Variants in TMEM154 observed in about 807,000 individuals in gnomAD.
TMEM154 encodes the protein transmembrane protein 154.
TMEM154 carries 27 observed loss-of-function variants against 24.5 expected under a neutral mutation model. That is an observed-to-expected ratio of 1.10 (90% CI 0.81 to 1.52). The LOEUF (loss-of-function observed/expected upper bound fraction) is 1.52, where lower values mean the gene tolerates loss of function less well. Among genes scored for constraint, TMEM154 ranks in the 40% most tolerant of loss-of-function variants. The pLI, the probability that TMEM154 is intolerant of heterozygous loss-of-function variation, is 0.00. For missense variants in TMEM154, 228 were observed against 213.4 expected (o/e 1.07, Z -0.43); for synonymous variants, 67 against 76.8 (o/e 0.87, Z 0.67).
chr4:152,679,949 C>T lies in TMEM154; in HGVS notation c.-16G>A, dbSNP rs898064998. 9 of 1,603,094 alleles carry T rather than the reference C, an allele frequency of 5.6e-6. No homozygotes were observed. The highest frequency in any genetic ancestry group is 5.3e-5 in the African/African-American group (4 of 74,866). Reference sequence around the variant, plus strand: ...GAGCCTGCATGTCCGCTCGCCTCGGCAGAGGCGCGCTCAGGATGCTGCGCC... The same window carrying T: ...GAGCCTGCATGTCCGCTCGCCTCGGTAGAGGCGCGCTCAGGATGCTGCGCC... On this transcript the variant is annotated 5_prime_UTR_variant, in exon 1 of 7. Coordinates refer to ENST00000304385, the MANE Select transcript of TMEM154 (RefSeq NM_152680.3).
At chr4:152,650,915 G>A (rs1728365448) in intron 3 of TMEM154, among the ~76,000 whole-genome samples, 1 of 152,202 alleles carries the variant, frequency 6.6e-6, no homozygotes. Context: ...ATTTTGAGCA[G>A]TAGACCTTAA....
At chr4:152,637,067 G>A (rs142096526) in intron 6 of TMEM154, among the ~76,000 whole-genome samples, 2 of 152,116 alleles carry the variant, frequency 1.3e-5, no homozygotes, top group South Asian at 2.1e-4. Context: ...GATGGGGGAC[G>A]TTGATAATGG....
chr4:152,630,183 A>G (rs1264869484), intron 6 of TMEM154, among the ~76,000 whole-genome samples: 1 of 151,848 alleles, frequency 6.6e-6, no homozygotes, highest in African/African-American at 2.4e-5. Context: ...GTGGTGGTGC[A>G]CACTTGTAGT....
intron 1 of TMEM154, among the ~76,000 whole-genome samples, chr4:152,657,174 C>A (rs761951595): frequency 6.8e-6 from 1 of 146,430 alleles, no homozygotes; most frequent in Non-Finnish European, 1.5e-5. Flanking sequence ...ATACGAGATA[C>A]CATAAAGCAA....
At position 152,624,697 on chromosome 4, in the gene TMEM154, A is replaced by C. The variant is rs1439712051; in HGVS notation, c.*3849T>G. On this transcript the variant is annotated 3_prime_UTR_variant, in exon 7 of 7. Transcript: ENST00000304385. ...TGCCAGACAAGACAGTATCAAGATA[A>C]AGCCAAAGAGTTGCTAAAAACAAAA... The C allele has an allele frequency of 6.6e-6, 1 of 152,242 alleles. No homozygotes were observed. Among genetic ancestry groups the C allele is most frequent in the African/African-American group, 2.4e-5 (1 of 41,466 alleles). 9.4% of individuals were successfully genotyped at this position (152,242 alleles called of 1,614,324 possible).
chr4:152,632,125 T>C (rs924487818), intron 6 of TMEM154, among the ~76,000 whole-genome samples: 2 of 152,168 alleles, frequency 1.3e-5, no homozygotes, highest in Non-Finnish European at 2.9e-5. Flanking sequence ...CCTTTTCAAA[T>C]ATGATTTCTG....
At chr4:152,639,850 G>A (rs1752221191) in intron 6 of TMEM154, 1 of 152,976 alleles carries the variant, frequency 6.5e-6, no homozygotes, top group Non-Finnish European at 1.5e-5. Flanking sequence ...GCCTAGGGTG[G>A]TGATATTGAC....
intron 1 of TMEM154, among the ~76,000 whole-genome samples, chr4:152,663,750 T>C (rs553052639): frequency 6.6e-6 from 1 of 152,382 alleles, no homozygotes; most frequent in African/African-American, 2.4e-5. Flanking sequence ...TAAGCTGCAA[T>C]ACTTCACTTT....
rs1285447321 is a variant in TMEM154 at position 152,619,214 on chromosome 4, T to A, written c.*9332A>T. The A allele has an allele frequency of 6.6e-6, 1 of 152,222 alleles. No individual in the cohort carries two copies. The highest frequency in any genetic ancestry group is 6.5e-5 in the Admixed American group (1 of 15,288). The allele number at this position is 152,222 out of a possible 1,614,324, so 9.4% of individuals were successfully genotyped here. A position where few individuals can be genotyped will look rare whatever the true frequency, so the allele number is the denominator to read the frequency against. On this transcript the variant is annotated 3_prime_UTR_variant, in exon 7 of 7. Coordinates refer to ENST00000304385, the MANE Select transcript of TMEM154 (RefSeq NM_152680.3). ...ATTCAGTCCCATGGCTCATGACTCA[T>A]GTAGTTGGTAAAACTAGTTCTACCA... is the stretch of plus-strand genomic sequence containing the variant.
chr4:152,622,650 A>G lies in TMEM154; in HGVS notation c.*5896T>C, dbSNP rs941779925. ...ATGTACTTATTTTATTTAAAAAAAA[A>G]TGGAGTTGAGAATAATTTATATATA... On this transcript the variant is annotated 3_prime_UTR_variant, in exon 7 of 7. Transcript: ENST00000304385. 3 of 152,166 alleles carry G rather than the reference A, an allele frequency of 2.0e-5. No individual in the cohort carries two copies. The highest frequency in any genetic ancestry group is 4.4e-5 in the Non-Finnish European group (3 of 68,020). The allele number at this position is 152,166 out of a possible 1,614,324, so 9.4% of individuals were successfully genotyped here.
At chr4:152,667,099 G>A (rs1728735670) in intron 1 of TMEM154, 1 of 152,220 alleles carries the variant, frequency 6.6e-6, no homozygotes, top group South Asian at 2.1e-4. Flanking sequence ...CTCCTTCACT[G>A]TTTTGTACGT....
intron 3 of TMEM154, chr4:152,647,309 C>T (rs1728272739): frequency 2.0e-6 from 2 of 985,292 alleles, no homozygotes; most frequent in African/African-American, 1.7e-5. Flanking sequence ...TATGACCTTC[C>T]ATGATAGTTG....
rs935212844 is a variant in TMEM154 at position 152,620,091 on chromosome 4, TC to T, written c.*8454del. 36 of 152,154 alleles carry T rather than the reference TC, an allele frequency of 2.4e-4. No individual in the cohort carries two copies. Among genetic ancestry groups the T allele is most frequent in the African/African-American group, 8.2e-4 (34 of 41,420 alleles). The allele number at this position is 152,154 out of a possible 1,614,324, so 9.4% of individuals were successfully genotyped here. ...CCTATATACATTCTAGGCTGGAGTA[TC>T]CTGCAAGCCAGCACGACTATGGCTG... On this transcript the variant is annotated 3_prime_UTR_variant, in exon 7 of 7. Transcript: ENST00000304385.
rs1326947677 is a variant in TMEM154 at position 152,619,089 on chromosome 4, G to T, written c.*9457C>A. 2 of 152,226 alleles carry T rather than the reference G, an allele frequency of 1.3e-5. No homozygotes were observed. The highest frequency in any genetic ancestry group is 2.9e-5 in the Non-Finnish European group (2 of 68,050). 9.4% of individuals were successfully genotyped at this position (152,226 alleles called of 1,614,324 possible). On this transcript the variant is annotated 3_prime_UTR_variant, in exon 7 of 7. Transcript: ENST00000304385. ...TCAGGATACAGAGATGAGTAAGACT[G>T]ATCCCTATCCTCAAGGTGCTCAGTC...
At chr4:152,632,590 A>ATACC (rs1480093351) in intron 6 of TMEM154, among the ~76,000 whole-genome samples, 1 of 152,250 alleles carries the variant, frequency 6.6e-6, no homozygotes, top group Non-Finnish European at 1.5e-5. Context: ...GGAACACAGT[A>ATACC]TACCTCTCCA....
chr4:152,644,317 G>A (rs909048392), intron 4 of TMEM154, 98 bp downstream of exon 4: 71 of 1,379,796 alleles, frequency 5.1e-5, no homozygotes, highest in South Asian at 4.1e-4. Context: ...GGAGAGTCCC[G>A]CAAGATGTCA....
chr4:152,645,178 C>A (rs371757078), intron 3 of TMEM154, among the ~76,000 whole-genome samples: 1 of 151,992 alleles, frequency 6.6e-6, no homozygotes, highest in Non-Finnish European at 1.5e-5. Flanking sequence ...GGGCAGGGAT[C>A]GTGTCTGTCT....
chr4:152,665,946 CCTGA>C (rs1361388523), intron 1 of TMEM154, among the ~76,000 whole-genome samples: 5 of 152,042 alleles, frequency 3.3e-5, no homozygotes, highest in Admixed American at 6.6e-5. Context: ...CGCCACCACG[CCTGA>C]CTAATTTTTG....
intron 1 of TMEM154, among the ~76,000 whole-genome samples, chr4:152,679,267 A>C (rs528179320): frequency 5.1e-4 from 77 of 152,258 alleles, no homozygotes; most frequent in Non-Finnish European, 9.3e-4. Flanking sequence ...AAAATCTGTA[A>C]AAGTAACAAG....
Sources: allele counts gnomAD v4.1 joint callset (sites outside exome capture counted in the v4.1 genomes callset), GRCh38; gene constraint gnomAD v4.1.1; transcripts MANE v1.5; gene names NCBI Gene and HGNC (gene_info 2026-07-23, HGNC 2026-07-21).